COL6A6: variants seen among roughly 807,000 people sequenced by gnomAD.
COL6A6 encodes the protein collagen alpha-6(VI) chain.
A neutral mutation model predicts 208.6 loss-of-function variants in COL6A6; 183 were observed. The ratio of observed to expected loss-of-function variants is 0.88; its 90% CI spans 0.78 to 0.99. The LOEUF is 0.99. Ranked by LOEUF, COL6A6 falls within the 50% of genes least tolerant of loss-of-function variation. COL6A6 has a pLI of 0.00. For synonymous variants in COL6A6, 973 were observed against 1,011.8 expected, an observed-to-expected ratio of 0.96 and a Z score of 0.73; for missense variants, 2,816 against 2,815.2, an observed-to-expected ratio of 1.00 and a Z score of -0.01.
chr3:130,672,754 T>C (rs764877685), intron 36 of COL6A6, among the ~76,000 whole-genome samples: 82 of 151,260 alleles, frequency 5.4e-4, no homozygotes, highest in Admixed American at 2.6e-4. Flanking sequence ...CTCACACCTG[T>C]AATCCCAGCA....
rs771893072 is a variant in COL6A6, at chr3:130,563,475, G to T, written c.472G>T (p.Gly158Ter). The T allele has an allele frequency of 6.2e-7, 1 of 1,614,018 alleles. No individual in the cohort carries two copies. Among genetic ancestry groups the T allele is most frequent in the Non-Finnish European group, 8.5e-7 (1 of 1,179,900 alleles). The change falls in exon 3 of 37, where the codon GGA becomes TGA. Residue 158 changes from glycine (G) to a stop codon, truncating the protein, a stop_gained. Coordinates refer to ENST00000358511, the MANE Select transcript of COL6A6 (RefSeq NM_001102608.3). LOFTEE classifies it high-confidence loss of function. ...EEASKALRKDGVKIISVGVQK... is the reference protein window; with the variant it reads ...EEASKALRKD Reference sequence around the variant, plus strand: ...GGCATCAAAGGCCCTGCGGAAAGACGGAGTGAAAATCATCTCTGTAGGGGT... The same window carrying T: ...GGCATCAAAGGCCCTGCGGAAAGACTGAGTGAAAATCATCTCTGTAGGGGT...
At position 130,589,071 on chromosome 3, in the gene COL6A6, T is replaced by TTTC. The variant is rs1390728872; in HGVS notation, c.4126-16_4126-14dup. The TTTC allele has an allele frequency of 2.5e-6, 4 of 1,605,026 alleles. No individual in the cohort carries two copies. Among genetic ancestry groups the TTTC allele is most frequent in the Non-Finnish European group, 2.6e-6 (3 of 1,172,182 alleles). ...AAGCAATACCACCAAATGTAATGTA[T>TTTC]TTCTTACCCTCTCCCAAGGTCAATG... On this transcript the variant is annotated intron_variant, in intron 11 of 36. Transcript: ENST00000358511.
At chr3:130,653,016 T>C (rs768044673) in intron 33 of COL6A6, among the ~76,000 whole-genome samples, 3 of 152,242 alleles carry the variant, frequency 2.0e-5, no homozygotes, top group Non-Finnish European at 2.9e-5. Flanking sequence ...AAGTTTTTCA[T>C]GATAGTATGA....
intron 17 of COL6A6, 138 bp from the exon 18 acceptor site, chr3:130,594,143 T>C (rs901536726): frequency 8.7e-6 from 6 of 691,274 alleles, no homozygotes; most frequent in African/African-American, 1.8e-5. Flanking sequence ...TTTTTTCGGT[T>C]GTTCATCTTT....
intron 22 of COL6A6, 71 bp downstream of exon 22, chr3:130,609,035 G>T: frequency 9.1e-7 from 1 of 1,104,366 alleles, no homozygotes; most frequent in South Asian, 1.3e-5. Flanking sequence ...CTGAGGACCT[G>T]ATAGAAACCT....
chr3:130,604,843 C>T lies in COL6A6; in HGVS notation c.4654-2088C>T, dbSNP rs80307300. On this transcript the variant is annotated intron_variant, in intron 20 of 36. Transcript: ENST00000358511. ...TGAAAATGGAGGTCTGTTCCACTTC[C>T]GTTAAACATACTGGAAGCTCTTTAT... Among the ~76,000 whole-genome samples the T allele has an allele frequency of 3.4e-3, 513 of 152,280 alleles. 3 individuals carry two copies. Among genetic ancestry groups the T allele is most frequent in the Non-Finnish European group, 5.8e-3 (393 of 68,022 alleles).
chr3:130,544,142 C>T (rs1378049373), intron 1 of COL6A6, among the ~76,000 whole-genome samples: 1 of 152,138 alleles, frequency 6.6e-6, no homozygotes, highest in Non-Finnish European at 1.5e-5. Flanking sequence ...ATCTTTTGAC[C>T]TATATCTCCT....
intron 1 of COL6A6, among the ~76,000 whole-genome samples, chr3:130,538,572 T>C (rs576151105): frequency 3.7e-4 from 56 of 152,246 alleles, no homozygotes; most frequent in Non-Finnish European, 7.3e-4. Flanking sequence ...GTGGATGTGG[T>C]TACTAACACC....
At chr3:130,553,379 T>G (rs2062691756) in intron 1 of COL6A6, among the ~76,000 whole-genome samples, 1 of 152,244 alleles carries the variant, frequency 6.6e-6, no homozygotes, top group Admixed American at 6.5e-5. Flanking sequence ...TATTTTTGTC[T>G]GACTGGGTTA....
intron 4 of COL6A6, among the ~76,000 whole-genome samples, chr3:130,566,278 G>A (rs753511368): frequency 1.3e-4 from 20 of 152,128 alleles, no homozygotes; most frequent in African/African-American, 4.6e-4. Context: ...GACTAGGAGC[G>A]GGTAAGGAGT....
At chr3:130,548,722 T>A (rs1301247506) in intron 1 of COL6A6, among the ~76,000 whole-genome samples, 1 of 152,086 alleles carries the variant, frequency 6.6e-6, no homozygotes, top group Non-Finnish European at 1.5e-5. Context: ...ACGCCTGGAG[T>A]TTTTATTTCT....
intron 17 of COL6A6, 32 bp downstream of exon 17, chr3:130,593,284 T>C: frequency 6.5e-7 from 1 of 1,541,806 alleles, no homozygotes; most frequent in Non-Finnish European, 9.0e-7. Context: ...ACATAAAAAT[T>C]GTACTGGGGA....
At chr3:130,553,153 C>T (rs1223583210) in intron 1 of COL6A6, among the ~76,000 whole-genome samples, 2 of 152,014 alleles carry the variant, frequency 1.3e-5, no homozygotes, top group Non-Finnish European at 2.9e-5. Context: ...TAGTATTTCC[C>T]AGGGGTTCTC....
chr3:130,554,285 G>A (rs970846510), intron 1 of COL6A6, among the ~76,000 whole-genome samples: 43 of 152,296 alleles, frequency 2.8e-4, no homozygotes, highest in Non-Finnish European at 1.2e-4. Flanking sequence ...AGATGGAGTG[G>A]GGCTGCTGGC....
At chr3:130,653,401 T>G (rs2065700353) in intron 33 of COL6A6, among the ~76,000 whole-genome samples, 2 of 152,244 alleles carry the variant, frequency 1.3e-5, no homozygotes, top group Admixed American at 6.5e-5. Context: ...GCACCCAACC[T>G]TTTTATTTTG....
chr3:130,674,097 G>T (rs1420682817), intron 36 of COL6A6, among the ~76,000 whole-genome samples: 1 of 152,138 alleles, frequency 6.6e-6, no homozygotes, highest in Non-Finnish European at 1.5e-5. Context: ...TCGGCTAGGG[G>T]CTAGAATATT....
chr3:130,521,793 G>A (rs1424364087), intron 1 of COL6A6, among the ~76,000 whole-genome samples: 1 of 152,182 alleles, frequency 6.6e-6, no homozygotes, highest in Non-Finnish European at 1.5e-5. Context: ...ATGAAAGTTG[G>A]TGAGTAAATA....
chr3:130,561,563 C>T (rs1467235887), intron 2 of COL6A6, among the ~76,000 whole-genome samples: 1 of 151,146 alleles, frequency 6.6e-6, no homozygotes, highest in Non-Finnish European at 1.5e-5. Context: ...TTAGAACTTA[C>T]CTAGTAACCA....
At position 130,627,339 on chromosome 3, in the gene COL6A6, T is replaced by A. The variant is rs2064920770; in HGVS notation, c.4962T>A (p.Gly1654=). Reference sequence around the variant, plus strand: ...TACAGGGCAATGATGGCAGTCCAGGTTATGGTAGTGTCGGACGCAAGGGAG... The same window carrying A: ...TACAGGGCAATGATGGCAGTCCAGGATATGGTAGTGTCGGACGCAAGGGAG... The part of the protein sequence containing the change: ...RGLQGNDGSP[G]YGSVGRKGAK... The change falls in exon 26 of 37, where the codon GGT becomes GGA. Residue 1654 remains glycine (G), a synonymous_variant. Transcript: ENST00000358511. 1.2e-6 allele frequency: 2 copies of A among 1,613,614 alleles called. No homozygotes were observed. The highest frequency in any genetic ancestry group is 1.7e-5 in the Admixed American group (1 of 59,996).
Sources: allele counts gnomAD v4.1 joint callset (sites outside exome capture counted in the v4.1 genomes callset), GRCh38; gene constraint gnomAD v4.1.1; transcripts MANE v1.5; gene names NCBI Gene and HGNC (gene_info 2026-07-23, HGNC 2026-07-21).